GRM8: variants seen among roughly 807,000 people sequenced by gnomAD.
The protein encoded by GRM8 is metabotropic glutamate receptor 8.
Under a neutral mutation model 87.2 loss-of-function variants are expected in GRM8, and 47 were observed. The observed-to-expected ratio is 0.54, with a 90% CI of 0.43 to 0.69. The LOEUF (loss-of-function observed/expected upper bound fraction) is 0.69. Ranked by LOEUF, GRM8 falls within the 30% of genes least tolerant of loss-of-function variation. The pLI is 0.00. For synonymous variants in GRM8, 396 were observed against 404.5 expected (o/e 0.98, Z 0.25); for missense variants, 1,019 against 1,139.2 (o/e 0.89, Z 1.52).
chr7:127,213,183 G>A lies in GRM8; in HGVS notation c.510+29512C>T, dbSNP rs558184949. Among the ~76,000 whole-genome samples the A allele has an allele frequency of 1.1e-4, 17 of 152,188 alleles. 1 individual carries two copies. In the South Asian group the frequency reaches 2.5e-3, roughly 22 times the overall value. On this transcript the variant is annotated intron_variant, in intron 2 of 10. Transcript: ENST00000339582. ...CTTACTTCAACTGGCTCACTTCTCC[G>A]AATGCCTGGAACTTCACTCAATTTA... is the stretch of plus-strand genomic sequence containing the variant.
chr7:126,517,208 A>G (rs1407649024), intron 9 of GRM8, among the ~76,000 whole-genome samples: 1 of 152,090 alleles, frequency 6.6e-6, no homozygotes, highest in Non-Finnish European at 1.5e-5. Context: ...AAGAATATAA[A>G]CTTAACATTT....
chr7:127,144,912 C>T (rs761004774), intron 2 of GRM8, among the ~76,000 whole-genome samples: 1 of 152,080 alleles, frequency 6.6e-6, no homozygotes, highest in South Asian at 2.1e-4. Flanking sequence ...GTTATCTACA[C>T]AGTTCTAGCA....
Position 127,063,069 on chromosome 7 carries a change from G to A in GRM8, c.727+43427C>T, listed in dbSNP as rs143619411. Among the ~76,000 whole-genome samples the A allele has an allele frequency of 7.2e-3, 1,087 of 151,920 alleles. 4 individuals are homozygous for A. Among genetic ancestry groups the A allele is most frequent in the Non-Finnish European group, 8.7e-3 (589 of 67,958 alleles). ...AGATCAAGACCATGCTGGCTAACAC[G>A]GTGAAACCCCGTTTCTACAAAAACA... is the stretch of plus-strand genomic sequence containing the variant. On this transcript the variant is annotated intron_variant, in intron 3 of 10. Coordinates refer to ENST00000339582, the MANE Select transcript of GRM8 (RefSeq NM_000845.3).
intron 10 of GRM8, among the ~76,000 whole-genome samples, chr7:126,441,777 A>G (rs1374708536): frequency 7.5e-6 from 1 of 134,200 alleles, no homozygotes. Context: ...GTTCACAACC[A>G]CTAAAATTAA....
intron 6 of GRM8, among the ~76,000 whole-genome samples, chr7:126,822,981 T>A (rs1312034651): frequency 6.6e-6 from 1 of 152,262 alleles, no homozygotes; most frequent in Non-Finnish European, 1.5e-5. Context: ...ATGGAACAGA[T>A]CCCCCAACCA....
At chr7:126,903,707 GTATATGTGTATATATATA>G (rs1563300572) in intron 5 of GRM8, among the ~76,000 whole-genome samples, 8 of 124,026 alleles carry the variant, frequency 6.5e-5, no homozygotes, top group Non-Finnish European at 1.2e-4. Flanking sequence ...ATATATATAT[GTATATGTGTATATATATA>G]TGTATATGTG....
chr7:126,657,419 C>T (rs982520653), intron 7 of GRM8, among the ~76,000 whole-genome samples: 3 of 152,088 alleles, frequency 2.0e-5, no homozygotes, highest in African/African-American at 7.2e-5. Flanking sequence ...AAAACAACCC[C>T]CCCCCAAAAA....
chr7:127,111,374 T>C (rs1342115015), intron 2 of GRM8, among the ~76,000 whole-genome samples: 1 of 152,234 alleles, frequency 6.6e-6, no homozygotes. Flanking sequence ...TGTCTTCTAG[T>C]GTCTGTTCTC....
intron 2 of GRM8, among the ~76,000 whole-genome samples, chr7:127,182,208 A>T (rs139484950): frequency 0.012 from 1,772 of 152,266 alleles, 18 homozygotes; most frequent in Non-Finnish European, 0.019. Flanking sequence ...AATTCTCAAA[A>T]AAAGATATAC....
chr7:126,799,329 C>T (rs974441), intron 6 of GRM8, among the ~76,000 whole-genome samples: 11,707 of 152,146 alleles, frequency 0.077, 1,436 homozygotes, highest in African/African-American at 0.26. Flanking sequence ...CAGGAATCTC[C>T]ATTTTCAACA....
At chr7:126,931,173 T>C (rs530137611) in intron 3 of GRM8, among the ~76,000 whole-genome samples, 4 of 152,316 alleles carry the variant, frequency 2.6e-5, no homozygotes, top group African/African-American at 9.6e-5. Context: ...ATAAAGATTT[T>C]CAAGGTGTGC....
intron 6 of GRM8, among the ~76,000 whole-genome samples, chr7:126,784,043 T>C (rs1820372016): frequency 1.3e-5 from 2 of 152,194 alleles, no homozygotes; most frequent in Non-Finnish European, 2.9e-5. Context: ...TAATCTAATA[T>C]AAAATGTGAT....
rs36129145 is a variant in GRM8, at chr7:126,974,936, CAAAAAAAAAAAAAAAAAAAAAAA to C, written c.728-70276_728-70254del. 6.7e-5 allele frequency among the ~76,000 whole-genome samples: 4 copies of C among 59,620 alleles called. No homozygotes were observed. The East Asian group carries it at 2.2e-3, about 33-fold the overall frequency. 39.1% of individuals were successfully genotyped at this position (59,620 alleles called of 152,430 possible). A position where few individuals can be genotyped will look rare whatever the true frequency, so the allele number is the denominator to read the frequency against. On this transcript the variant is annotated intron_variant, in intron 3 of 10. Transcript: ENST00000339582. ...GGGTGACAGAGCGAGACTCTTGTCT[CAAAAAAAAAAAAAAAAAAAAAAA>C]AAAAAAAAACCACTAACTTAGTCAA... is the stretch of plus-strand genomic sequence containing the variant.
chr7:126,903,198 G>A (rs936044017), intron 5 of GRM8, among the ~76,000 whole-genome samples: 1 of 152,048 alleles, frequency 6.6e-6, no homozygotes, highest in Non-Finnish European at 1.5e-5. Flanking sequence ...TCAAGTGTCG[G>A]TTTGCTCAGG....
At chr7:126,516,880 C>A (rs991358889) in intron 9 of GRM8, among the ~76,000 whole-genome samples, 1 of 151,750 alleles carries the variant, frequency 6.6e-6, no homozygotes, top group Non-Finnish European at 1.5e-5. Flanking sequence ...TCAAATACTG[C>A]AAATATATGA....
intron 3 of GRM8, among the ~76,000 whole-genome samples, chr7:127,093,274 G>C (rs1824333021): frequency 1.3e-5 from 2 of 152,280 alleles, no homozygotes. Flanking sequence ...AAGCAGGTCT[G>C]ACTCATTCAG....
At chr7:126,568,169 A>C (rs1794402456) in intron 8 of GRM8, among the ~76,000 whole-genome samples, 1 of 152,162 alleles carries the variant, frequency 6.6e-6, no homozygotes, top group African/African-American at 2.4e-5. Flanking sequence ...CAGAACAGAG[A>C]TAATGAGGCA....
intron 8 of GRM8, among the ~76,000 whole-genome samples, chr7:126,572,539 G>C (rs1324419127): frequency 1.3e-5 from 2 of 152,080 alleles, no homozygotes; most frequent in Non-Finnish European, 2.9e-5. Context: ...AAATAACAAA[G>C]TAATACCTTT....
chr7:127,050,035 A>C (rs558533736), intron 3 of GRM8, among the ~76,000 whole-genome samples: 44 of 152,344 alleles, frequency 2.9e-4, no homozygotes, highest in African/African-American at 9.1e-4. Flanking sequence ...AACTTTGAGG[A>C]CAATGAGATG....
Sources: allele counts gnomAD v4.1 joint callset (sites outside exome capture counted in the v4.1 genomes callset), GRCh38; gene constraint gnomAD v4.1.1; transcripts MANE v1.5; gene names NCBI Gene and HGNC (gene_info 2026-07-23, HGNC 2026-07-21).